MECOM: variants seen among roughly 807,000 people sequenced by gnomAD.
MECOM encodes the protein MDS1 and EVI1 complex locus, also known as histone-lysine N-methyltransferase MECOM.
A neutral mutation model predicts 116.3 loss-of-function variants in MECOM; 13 were observed. The observed-to-expected ratio is 0.11, with a 90% CI of 0.07 to 0.18. The LOEUF is 0.18. MECOM is among the 10% of genes least tolerant of loss of function. MECOM has a pLI of 1.00. For synonymous variants in MECOM, 528 were observed against 535.2 expected (o/e 0.99, Z 0.19); for missense variants, 1,299 against 1,509.0 (o/e 0.86, Z 2.31).
intron 1 of MECOM, among the ~76,000 whole-genome samples, chr3:169,514,111 G>T (rs1756325004): frequency 6.6e-6 from 1 of 152,190 alleles, no homozygotes; most frequent in Non-Finnish European, 1.5e-5. Flanking sequence ...ATGGTCATAA[G>T]AAAACCATGT....
intron 1 of MECOM, among the ~76,000 whole-genome samples, chr3:169,414,128 T>G (rs1466491088): frequency 6.6e-6 from 1 of 152,048 alleles, no homozygotes; most frequent in Non-Finnish European, 1.5e-5. Flanking sequence ...AGACAACTCA[T>G]AAAGGACAGC....
chr3:169,238,821 C>T (rs556371297), intron 2 of MECOM, among the ~76,000 whole-genome samples: 2 of 152,138 alleles, frequency 1.3e-5, no homozygotes, highest in East Asian at 3.9e-4. Flanking sequence ...AGAAAAACCA[C>T]TATGAATATA....
chr3:169,477,105 GTATATATATATATA>G (rs1166256593), intron 1 of MECOM: 12 of 59,562 alleles, frequency 2.0e-4, no homozygotes, highest in Admixed American at 3.8e-4. Context: ...GTGTGTGTGT[GTATATATATATATA>G]TATATATATA....
At chr3:169,182,370 G>A (rs1477668531) in intron 2 of MECOM, among the ~76,000 whole-genome samples, 1 of 152,152 alleles carries the variant, frequency 6.6e-6, no homozygotes, top group Non-Finnish European at 1.5e-5. Context: ...ATAAATCTGG[G>A]ATTAAGTCCA....
intron 2 of MECOM, among the ~76,000 whole-genome samples, chr3:169,272,816 T>A: frequency 6.6e-6 from 1 of 152,002 alleles, no homozygotes; most frequent in East Asian, 1.9e-4. Context: ...CCTTACCCCA[T>A]CCCTCACACT....
chr3:169,514,452 A>C (rs1756380165), intron 1 of MECOM, among the ~76,000 whole-genome samples: 1 of 152,184 alleles, frequency 6.6e-6, no homozygotes, highest in African/African-American at 2.4e-5. Context: ...AAGCATGTGA[A>C]AGAAGAGGTT....
At position 169,637,457 on chromosome 3, in the gene MECOM, C is replaced by A. The variant is rs530720841; in HGVS notation, c.37+25879G>T. Reference sequence around the variant, plus strand: ...TAGCAGAATCTACTTTTATTCTAGGCCTGGAAATGCCAAAGATGACTCTGG... The same window carrying A: ...TAGCAGAATCTACTTTTATTCTAGGACTGGAAATGCCAAAGATGACTCTGG... On this transcript the variant is annotated intron_variant, in intron 1 of 16. Transcript: ENST00000651503. Among the ~76,000 whole-genome samples the A allele has an allele frequency of 3.9e-5, 6 of 152,266 alleles. No homozygotes were observed. The South Asian group carries it at 1.2e-3, about 32-fold the overall frequency.
intron 2 of MECOM, among the ~76,000 whole-genome samples, chr3:169,281,743 T>C (rs1443748965): frequency 1.3e-5 from 2 of 151,962 alleles, no homozygotes; most frequent in East Asian, 3.9e-4. Context: ...GCCCAGGAGG[T>C]TGATGCTACA....
intron 1 of MECOM, chr3:169,566,155 AC>A (rs1161854858): frequency 8.5e-6 from 2 of 236,342 alleles, no homozygotes; most frequent in African/African-American, 4.7e-5. Flanking sequence ...GGAGGAAACC[AC>A]CCCCATGAGC....
chr3:169,626,081 C>A (rs1215894905), intron 1 of MECOM, among the ~76,000 whole-genome samples: 1 of 152,174 alleles, frequency 6.6e-6, no homozygotes, highest in African/African-American at 2.4e-5. Flanking sequence ...TCTGAAGGCA[C>A]AAAAATATCT....
intron 5 of MECOM, 88 bp downstream of exon 5, chr3:169,127,756 A>G: frequency 8.5e-7 from 1 of 1,183,350 alleles, no homozygotes. Context: ...TGGAGTTCCA[A>G]ATTTTCCATC....
chr3:169,243,397 T>G (rs930272664), intron 2 of MECOM, among the ~76,000 whole-genome samples: 8 of 152,206 alleles, frequency 5.3e-5, no homozygotes, highest in Non-Finnish European at 1.0e-4. Flanking sequence ...CCATTTATTT[T>G]GCAGAGTTTT....
intron 7 of MECOM, among the ~76,000 whole-genome samples, chr3:169,120,037 C>A (rs1284365688): frequency 1.3e-5 from 2 of 152,190 alleles, no homozygotes; most frequent in African/African-American, 4.8e-5. Flanking sequence ...TTTTTTCCAT[C>A]AGGTCCTGTA....
At chr3:169,242,320 C>G (rs986654445) in intron 2 of MECOM, among the ~76,000 whole-genome samples, 1 of 152,126 alleles carries the variant, frequency 6.6e-6, no homozygotes, top group African/African-American at 2.4e-5. Context: ...TCTTTTTGAA[C>G]AAGCTTTCTT....
chr3:169,085,203 T>C (rs1370110335), intron 16 of MECOM, among the ~76,000 whole-genome samples, 160 bp from the exon 17 acceptor site: 6 of 152,186 alleles, frequency 3.9e-5, no homozygotes, highest in Non-Finnish European at 8.8e-5. Flanking sequence ...AGAAACCACA[T>C]GGGATTACTG....
At chr3:169,194,075 T>C (rs1748071711) in intron 2 of MECOM, among the ~76,000 whole-genome samples, 1 of 152,080 alleles carries the variant, frequency 6.6e-6, no homozygotes, top group Non-Finnish European at 1.5e-5. Context: ...TATATGCTTT[T>C]CAAAGATAGT....
rs116251188 is a variant in MECOM, at chr3:169,356,768, T to C, written c.375+24419A>G. ...CTCATTCATGCTCACTGTTAATCTC[T>C]TAAGACATTATAAAACTGTTAGACA... On this transcript the variant is annotated intron_variant, in intron 2 of 16. Transcript: ENST00000651503. Among the ~76,000 whole-genome samples the C allele has an allele frequency of 1.2e-4, 19 of 152,050 alleles. No homozygotes were observed. In the South Asian group the frequency reaches 3.9e-3, roughly 32 times the overall value.
At chr3:169,146,436 G>A (rs1474173696) in intron 2 of MECOM, 1 of 1,390,606 alleles carries the variant, frequency 7.2e-7, no homozygotes, top group Non-Finnish European at 9.6e-7. Context: ...GAGGAGAAGA[G>A]CGCAAGGAAA....
intron 1 of MECOM, among the ~76,000 whole-genome samples, chr3:169,408,245 C>G (rs1164459420): frequency 1.3e-5 from 2 of 152,286 alleles, no homozygotes; most frequent in Admixed American, 1.3e-4. Context: ...AAATGAGACA[C>G]TTTTTGCTGA....
Sources: allele counts gnomAD v4.1 joint callset (sites outside exome capture counted in the v4.1 genomes callset), GRCh38; gene constraint gnomAD v4.1.1; transcripts MANE v1.5; gene names NCBI Gene and HGNC (gene_info 2026-07-23, HGNC 2026-07-21).